The following PKHD1 variants were observed in gnomAD, a reference collection of about 807,000 sequenced individuals.
PKHD1 encodes the protein fibrocystin.
Under a neutral mutation model 412.0 loss-of-function variants are expected in PKHD1, and 291 were observed. The ratio of observed to expected loss-of-function variants is 0.71; its 90% CI spans 0.64 to 0.78. The LOEUF (loss-of-function observed/expected upper bound fraction) is 0.78, where lower values mean the gene tolerates loss of function less well. Ranked by LOEUF, PKHD1 falls within the 30% of genes least tolerant of loss-of-function variation. The probability of loss-of-function intolerance (pLI) is 0.00; values close to 1 mark genes in which losing one functional copy is unlikely to be tolerated. For missense variants in PKHD1, 4,825 were observed against 4,950.7 expected (o/e 0.97, Z 0.76); for synonymous variants, 1,777 against 1,821.5 (o/e 0.98, Z 0.62).
chr6:52,005,055 T>C (rs1027849290), intron 35 of PKHD1, among the ~76,000 whole-genome samples: 7 of 152,146 alleles, frequency 4.6e-5, no homozygotes, highest in African/African-American at 1.7e-4. Flanking sequence ...TAAACTCTAA[T>C]CTCTGATTGG....
At chr6:51,658,274 T>A (rs1772220501) in intron 61 of PKHD1, among the ~76,000 whole-genome samples, 1 of 152,146 alleles carries the variant, frequency 6.6e-6, no homozygotes. Context: ...TTTTTTCTCA[T>A]CCTCTTTATA....
chr6:51,687,000 A>T (rs990138024), intron 60 of PKHD1, among the ~76,000 whole-genome samples: 9 of 152,216 alleles, frequency 5.9e-5, no homozygotes, highest in Non-Finnish European at 1.0e-4. Context: ...CTTGGTTTTC[A>T]GAAAAGTTGA....
At chr6:51,774,874 C>T (rs541573518) in intron 54 of PKHD1, among the ~76,000 whole-genome samples, 18 of 151,780 alleles carry the variant, frequency 1.2e-4, no homozygotes, top group African/African-American at 4.3e-4. Flanking sequence ...AAATTAACAA[C>T]CAATTTTCTT....
chr6:51,817,257 C>T (rs1463390323), intron 52 of PKHD1, among the ~76,000 whole-genome samples: 2 of 152,048 alleles, frequency 1.3e-5, no homozygotes, highest in Non-Finnish European at 2.9e-5. Context: ...GGTGATCTTG[C>T]TAAATGTAAA....
At position 52,079,936 on chromosome 6, in the gene PKHD1, ACTGCTTACCAG is replaced by A; in HGVS notation, c.343_353del (p.Leu115SerfsTer8). ...AGCTATCTCGTGGTCCTGGATTTGG[ACTGCTTACCAG>A]CTGTCCCCCGAAGTATGCTTCCAGG... On this transcript the variant is annotated frameshift_variant, in exon 5 of 67. Transcript: ENST00000371117. LOFTEE classifies it high-confidence loss of function. The A allele has an allele frequency of 6.2e-7, 1 of 1,610,642 alleles. No individual in the cohort carries two copies. The highest frequency in any genetic ancestry group is 8.5e-7 in the Non-Finnish European group (1 of 1,176,888).
intron 43 of PKHD1, among the ~76,000 whole-genome samples, chr6:51,901,472 A>T (rs889236365): frequency 6.6e-6 from 1 of 151,836 alleles, no homozygotes; most frequent in East Asian, 1.9e-4. Flanking sequence ...TTGAACAATG[A>T]GATCACATGG....
At chr6:51,838,811 ATTTGCCAT>A (rs1177679491) in intron 50 of PKHD1, among the ~76,000 whole-genome samples, 1 of 152,164 alleles carries the variant, frequency 6.6e-6, no homozygotes, top group East Asian at 1.9e-4. Flanking sequence ...CTGACAAGTT[ATTTGCCAT>A]TTCTAAACCT....
At chr6:51,913,517 A>C (rs1217870242) in intron 37 of PKHD1, among the ~76,000 whole-genome samples, 1 of 152,074 alleles carries the variant, frequency 6.6e-6, no homozygotes, top group African/African-American at 2.4e-5. Context: ...TTATCTGAAT[A>C]CTTCAGAAAA....
chr6:51,938,946 C>T (rs1787975406), intron 36 of PKHD1, among the ~76,000 whole-genome samples: 1 of 151,580 alleles, frequency 6.6e-6, no homozygotes, highest in African/African-American at 2.4e-5. Context: ...AGTTCCTTTC[C>T]TTTTCTGGTG....
chr6:51,760,396 T>G (rs1019304778), intron 55 of PKHD1, among the ~76,000 whole-genome samples: 4 of 152,086 alleles, frequency 2.6e-5, no homozygotes, highest in African/African-American at 9.7e-5. Context: ...GACACACAAA[T>G]GTTAAACATC....
At chr6:51,974,088 G>A (rs1024149691) in intron 35 of PKHD1, among the ~76,000 whole-genome samples, 2 of 152,114 alleles carry the variant, frequency 1.3e-5, no homozygotes, top group African/African-American at 4.8e-5. Flanking sequence ...CATGAAAAAG[G>A]GGGCAAGCAA....
intron 52 of PKHD1, among the ~76,000 whole-genome samples, chr6:51,812,742 T>G (rs539624183): frequency 1.3e-5 from 2 of 152,316 alleles, no homozygotes; most frequent in South Asian, 4.1e-4. Flanking sequence ...CAGGTCTTTT[T>G]TAGATCCTGA....
At chr6:51,696,832 T>C (rs1434893566) in intron 60 of PKHD1, among the ~76,000 whole-genome samples, 1 of 152,114 alleles carries the variant, frequency 6.6e-6, no homozygotes, top group African/African-American at 2.4e-5. Context: ...CGACCAATCC[T>C]TGAAAATTAA....
intron 56 of PKHD1, 78 bp downstream of exon 56, chr6:51,754,706 C>G (rs1416375745): frequency 8.1e-7 from 1 of 1,241,984 alleles, no homozygotes; most frequent in Non-Finnish European, 1.2e-6. Context: ...GCAATCAGAT[C>G]CGAGGTCCCC....
chr6:51,819,769 C>A (rs190838366), intron 52 of PKHD1, among the ~76,000 whole-genome samples: 1 of 152,274 alleles, frequency 6.6e-6, no homozygotes, highest in Non-Finnish European at 1.5e-5. Context: ...ATGCAAACAG[C>A]AGTGATGGAA....
At position 51,803,867 on chromosome 6, in the gene PKHD1, T is replaced by C. The variant is rs573765257; in HGVS notation, c.8303-12494A>G. 3.4e-4 allele frequency among the ~76,000 whole-genome samples: 52 copies of C among 151,324 alleles called. 1 individual carries two copies. Among genetic ancestry groups the C allele is most frequent in the Non-Finnish European group, 6.8e-4 (46 of 67,964 alleles). ...GATTACAGGTGCCCATCACCACGCC[T>C]GGCTAAAGTTTTGTATTATTAGTAG... On this transcript the variant is annotated intron_variant, in intron 52 of 66. Coordinates refer to ENST00000371117, the MANE Select transcript of PKHD1 (RefSeq NM_138694.4).
rs551243158 is a variant in PKHD1 at position 52,063,169 on chromosome 6, T to C, written c.977-509A>G. Reference sequence around the variant, plus strand: ...GTGGACCTGCACACAGAGCCAAATATGTGGCATGCTGCTATTATGTGACAT... The same window carrying C: ...GTGGACCTGCACACAGAGCCAAATACGTGGCATGCTGCTATTATGTGACAT... On this transcript the variant is annotated intron_variant, in intron 13 of 66. Transcript: ENST00000371117. Among the ~76,000 whole-genome samples the C allele has an allele frequency of 9.2e-5, 14 of 152,334 alleles. No individual in the cohort carries two copies. The East Asian group carries it at 2.1e-3, about 23-fold the overall frequency.
intron 60 of PKHD1, among the ~76,000 whole-genome samples, chr6:51,710,960 T>C (rs1054426798): frequency 3.3e-5 from 5 of 152,198 alleles, no homozygotes. Context: ...ACCTCTTGTG[T>C]GCTACTTCAA....
intron 37 of PKHD1, among the ~76,000 whole-genome samples, chr6:51,916,208 C>A (rs905542546): frequency 6.6e-6 from 1 of 152,082 alleles, no homozygotes; most frequent in Non-Finnish European, 1.5e-5. Context: ...GTTTAAATGA[C>A]CTATTTTAAG....
Sources: allele counts gnomAD v4.1 joint callset (sites outside exome capture counted in the v4.1 genomes callset), GRCh38; gene constraint gnomAD v4.1.1; transcripts MANE v1.5; gene names NCBI Gene and HGNC (gene_info 2026-07-23, HGNC 2026-07-21).